Variants in PHTF2 observed in about 807,000 individuals in gnomAD.
The protein encoded by PHTF2 is protein PHTF2.
Under a neutral mutation model 101.2 loss-of-function variants are expected in PHTF2, and 60 were observed. That is an observed-to-expected ratio of 0.59 (90% CI 0.48 to 0.73). The LOEUF (loss-of-function observed/expected upper bound fraction) is 0.73. PHTF2 is among the 30% of genes least tolerant of loss of function. The probability of loss-of-function intolerance (pLI) is 0.00; values close to 1 mark genes in which losing one functional copy is unlikely to be tolerated. For synonymous variants in PHTF2, 311 were observed against 307.3 expected, an observed-to-expected ratio of 1.01 and a Z score of -0.13; for missense variants, 747 against 908.7, an observed-to-expected ratio of 0.82 and a Z score of 2.29.
chr7:77,919,999 A>G (rs1354229052), intron 9 of PHTF2, among the ~76,000 whole-genome samples: 2 of 152,194 alleles, frequency 1.3e-5, no homozygotes, highest in African/African-American at 4.8e-5. Flanking sequence ...GATTTTGTTC[A>G]AAGACCAGAT....
At chr7:77,938,670 G>C (rs978214029) in intron 13 of PHTF2, among the ~76,000 whole-genome samples, 1 of 152,160 alleles carries the variant, frequency 6.6e-6, no homozygotes, top group Non-Finnish European at 1.5e-5. Flanking sequence ...CCAGCTACTC[G>C]GGAGGCTGAG....
intron 1 of PHTF2, among the ~76,000 whole-genome samples, chr7:77,827,986 A>T (rs1044693015): frequency 2.6e-5 from 4 of 152,158 alleles, no homozygotes; most frequent in East Asian, 1.9e-4. Context: ...GCAAATTTTA[A>T]TCTCTAAATT....
At chr7:77,804,634 G>C (rs540055732) in intron 1 of PHTF2, among the ~76,000 whole-genome samples, 1 of 152,078 alleles carries the variant, frequency 6.6e-6, no homozygotes, top group Admixed American at 6.6e-5. Context: ...CCTTAATGAG[G>C]GTTCTTTTAG....
At chr7:77,874,059 A>G (rs1349370482) in intron 3 of PHTF2, among the ~76,000 whole-genome samples, 2 of 152,206 alleles carry the variant, frequency 1.3e-5, no homozygotes, top group Non-Finnish European at 2.9e-5. Flanking sequence ...AGGAGCAACC[A>G]ACCAACTTCA....
At chr7:77,899,687 T>C (rs904190268) in intron 5 of PHTF2, among the ~76,000 whole-genome samples, 4 of 152,188 alleles carry the variant, frequency 2.6e-5, no homozygotes, top group African/African-American at 9.7e-5. Context: ...TCTTCTTTGT[T>C]TTAGATTCAA....
chr7:77,907,453 C>T (rs1049496608), intron 7 of PHTF2, among the ~76,000 whole-genome samples: 2 of 151,892 alleles, frequency 1.3e-5, no homozygotes, highest in African/African-American at 2.4e-5. Flanking sequence ...TTTTTTTGGT[C>T]GTTAATTTTA....
intron 3 of PHTF2, among the ~76,000 whole-genome samples, chr7:77,892,374 C>G (rs1281890885): frequency 6.6e-6 from 1 of 152,168 alleles, no homozygotes; most frequent in Non-Finnish European, 1.5e-5. Flanking sequence ...ACTTTTAACC[C>G]ATTTTGGTAT....
intron 3 of PHTF2, among the ~76,000 whole-genome samples, chr7:77,883,632 A>G (rs572783966): frequency 5.3e-5 from 8 of 152,324 alleles, no homozygotes; most frequent in African/African-American, 4.8e-5. Flanking sequence ...CATTTTATCT[A>G]TAAACTGTAA....
intron 3 of PHTF2, among the ~76,000 whole-genome samples, chr7:77,861,257 A>G (rs1365616568): frequency 6.6e-6 from 1 of 151,792 alleles, no homozygotes; most frequent in African/African-American, 2.4e-5. Context: ...TTCATGGTAA[A>G]GAGGGGTGTT....
intron 1 of PHTF2, among the ~76,000 whole-genome samples, chr7:77,816,087 T>A (rs188939413): frequency 2.0e-5 from 3 of 152,146 alleles, no homozygotes; most frequent in Admixed American, 2.0e-4. Flanking sequence ...TTTTTTTTTT[T>A]CTTTGAGACA....
intron 1 of PHTF2, among the ~76,000 whole-genome samples, chr7:77,824,657 T>C (rs2150530102): frequency 6.6e-6 from 1 of 152,278 alleles, no homozygotes; most frequent in Admixed American, 6.5e-5. Context: ...CCTGACTTCG[T>C]GATCTGCCCG....
At chr7:77,918,774 A>G (rs148557955) in intron 9 of PHTF2, among the ~76,000 whole-genome samples, 2 of 152,196 alleles carry the variant, frequency 1.3e-5, no homozygotes, top group Non-Finnish European at 2.9e-5. Context: ...CCTATGGCTT[A>G]TTGTTCCCTT....
intron 3 of PHTF2, among the ~76,000 whole-genome samples, chr7:77,857,359 T>C (rs9641292): frequency 0.16 from 24,249 of 152,094 alleles, 2,759 homozygotes; most frequent in African/African-American, 0.32. Context: ...ACTCTGGTCT[T>C]TGGATTCTCT....
chr7:77,911,118 A>T (rs1802351446), intron 9 of PHTF2, among the ~76,000 whole-genome samples: 1 of 152,220 alleles, frequency 6.6e-6, no homozygotes, highest in South Asian at 2.1e-4. Flanking sequence ...AGTGAATAAA[A>T]TGTATATTAT....
At chr7:77,831,702 C>T (rs1309128439) in intron 1 of PHTF2, among the ~76,000 whole-genome samples, 1 of 152,160 alleles carries the variant, frequency 6.6e-6, no homozygotes, top group East Asian at 1.9e-4. Flanking sequence ...TTGGTATATG[C>T]ATGAACAGAG....
At chr7:77,816,992 A>G (rs1022374092) in intron 1 of PHTF2, among the ~76,000 whole-genome samples, 1 of 152,184 alleles carries the variant, frequency 6.6e-6, no homozygotes, top group Non-Finnish European at 1.5e-5. Flanking sequence ...GGTTGATTCC[A>G]TATCTTGACT....
chr7:77,833,222 T>C (rs926219664), intron 1 of PHTF2, among the ~76,000 whole-genome samples: 10 of 152,222 alleles, frequency 6.6e-5, no homozygotes, highest in Admixed American at 2.0e-4. Flanking sequence ...AAATCTTCCT[T>C]GTTTTAGAAA....
chr7:77,946,395 A>G (rs1246861174), intron 16 of PHTF2, among the ~76,000 whole-genome samples: 3 of 152,154 alleles, frequency 2.0e-5, no homozygotes, highest in Non-Finnish European at 4.4e-5. Context: ...CTGCTTTACC[A>G]CTTCTAGTCA....
chr7:77,938,040 T>A, intron 13 of PHTF2: 1 of 243,604 alleles, frequency 4.1e-6, no homozygotes, highest in Non-Finnish European at 7.8e-6. Context: ...GTGTTTTCAC[T>A]TATCTGACCA....
Sources: allele counts gnomAD v4.1 joint callset (sites outside exome capture counted in the v4.1 genomes callset), GRCh38; gene constraint gnomAD v4.1.1; transcripts MANE v1.5; gene names NCBI Gene and HGNC (gene_info 2026-07-23, HGNC 2026-07-21).